APBB2: variants seen among roughly 807,000 people sequenced by gnomAD.
APBB2 encodes amyloid beta precursor protein binding family B member 2.
A neutral mutation model predicts 82.5 loss-of-function variants in APBB2; 38 were observed. That is an observed-to-expected ratio of 0.46 (90% CI 0.36 to 0.60). The LOEUF is 0.60. APBB2 is among the 20% of genes least tolerant of loss of function. APBB2 has a pLI of 0.00. For synonymous variants in APBB2, 341 were observed against 368.2 expected (o/e 0.93, Z 0.85); for missense variants, 772 against 972.3 (o/e 0.79, Z 2.74).
At chr4:41,169,377 C>T (rs139874728) in intron 1 of APBB2, among the ~76,000 whole-genome samples, 11 of 152,150 alleles carry the variant, frequency 7.2e-5, no homozygotes, top group African/African-American at 2.7e-4. Context: ...CACTCAAAGA[C>T]GCAAAATCAG....
At chr4:41,196,419 C>T in intron 1 of APBB2, among the ~76,000 whole-genome samples, 1 of 152,222 alleles carries the variant, frequency 6.6e-6, no homozygotes, top group African/African-American at 2.4e-5. Flanking sequence ...CTTTGCCCAG[C>T]CACTTATTAT....
chr4:41,037,697 C>T (rs1267989845), intron 4 of APBB2, among the ~76,000 whole-genome samples: 1 of 152,060 alleles, frequency 6.6e-6, no homozygotes, highest in Admixed American at 6.6e-5. Flanking sequence ...CTGGCGAAGT[C>T]CTGATCTAGA....
intron 12 of APBB2, among the ~76,000 whole-genome samples, chr4:40,859,848 A>T (rs1187491677): frequency 6.6e-6 from 1 of 151,782 alleles, no homozygotes; most frequent in African/African-American, 2.4e-5. Context: ...GCTACTTCCC[A>T]CCTCAGAGCC....
At chr4:41,207,948 A>T (rs112100084) in intron 1 of APBB2, 4 of 152,350 alleles carry the variant, frequency 2.6e-5, no homozygotes, top group African/African-American at 9.6e-5. Flanking sequence ...ATATCTTCTT[A>T]TTTGAACAAT....
chr4:41,146,169 T>C (rs1469388127), intron 1 of APBB2, among the ~76,000 whole-genome samples: 2 of 152,002 alleles, frequency 1.3e-5, no homozygotes, highest in Admixed American at 1.3e-4. Context: ...CTTCTAAAAA[T>C]ACATAAATTA....
intron 13 of APBB2, among the ~76,000 whole-genome samples, chr4:40,827,544 G>T (rs1244658623): frequency 2.6e-5 from 4 of 152,098 alleles, no homozygotes; most frequent in Non-Finnish European, 4.4e-5. Context: ...GACCCTGCCG[G>T]CCCACAGTGG....
chr4:40,999,064 G>A (rs1804422410), intron 6 of APBB2, among the ~76,000 whole-genome samples: 1 of 152,110 alleles, frequency 6.6e-6, no homozygotes, highest in African/African-American at 2.4e-5. Context: ...GTGAAACTGT[G>A]AACAAGGACT....
At chr4:41,147,481 C>CTTTTTTT (rs558746840) in intron 1 of APBB2, among the ~76,000 whole-genome samples, 1 of 103,110 alleles carries the variant, frequency 9.7e-6, no homozygotes, top group Non-Finnish European at 1.9e-5. Flanking sequence ...GTTTGGCCAG[C>CTTTTTTT]TTTTTTTTTT....
chr4:40,930,849 A>G (rs1784063673), intron 10 of APBB2, among the ~76,000 whole-genome samples: 1 of 152,100 alleles, frequency 6.6e-6, no homozygotes, highest in Non-Finnish European at 1.5e-5. Flanking sequence ...CAGGGTTGAC[A>G]CCATTCTCCT....
intron 10 of APBB2, among the ~76,000 whole-genome samples, chr4:40,909,821 T>C (rs920200936): frequency 6.6e-6 from 1 of 152,146 alleles, no homozygotes; most frequent in Non-Finnish European, 1.5e-5. Context: ...AGGGAAAGCA[T>C]GAAGGTGGGC....
intron 15 of APBB2, among the ~76,000 whole-genome samples, chr4:40,824,601 C>A (rs1232571885): frequency 6.6e-6 from 1 of 152,140 alleles, no homozygotes; most frequent in Non-Finnish European, 1.5e-5. Context: ...GATCCTCCCA[C>A]CTCGGCCTCT....
chr4:41,074,315 A>T (rs1383188674), intron 3 of APBB2, among the ~76,000 whole-genome samples: 5 of 152,118 alleles, frequency 3.3e-5, no homozygotes, highest in Non-Finnish European at 5.9e-5. Context: ...CCATCTCATT[A>T]AAAAAGATGA....
At chr4:40,937,129 T>C (rs989554563) in intron 7 of APBB2, among the ~76,000 whole-genome samples, 2 of 152,236 alleles carry the variant, frequency 1.3e-5, no homozygotes, top group Non-Finnish European at 2.9e-5. Context: ...GTGAGCAATA[T>C]TTGTTGTTAA....
At chr4:41,096,543 C>T (rs1208180192) in intron 3 of APBB2, among the ~76,000 whole-genome samples, 1 of 152,126 alleles carries the variant, frequency 6.6e-6, no homozygotes, top group Non-Finnish European at 1.5e-5. Context: ...AAATATAAAA[C>T]GTGTGTACAC....
chr4:41,104,051 A>G (rs1257790479), intron 2 of APBB2, among the ~76,000 whole-genome samples: 1 of 152,222 alleles, frequency 6.6e-6, no homozygotes, highest in Non-Finnish European at 1.5e-5. Flanking sequence ...AGCTGTCCTA[A>G]TATCTGAAAG....
chr4:40,888,851 G>A (rs976953853), intron 12 of APBB2, among the ~76,000 whole-genome samples: 8 of 152,268 alleles, frequency 5.3e-5, no homozygotes, highest in African/African-American at 9.6e-5. Context: ...CGTATGTAAT[G>A]TCACAAGCTC....
rs1338321948 is a variant in APBB2, at chr4:41,014,343, G to A, written c.75C>T (p.Asp25=). The A allele has an allele frequency of 7.4e-6, 12 of 1,614,068 alleles. No individual in the cohort carries two copies. Among genetic ancestry groups the A allele is most frequent in the South Asian group, 3.3e-5 (3 of 91,074 alleles). ...TGGCTGGGCTGTTCCGATTTGTGAC[G>A]TCTGTAGTTCCGCTGCTGGCCATAA... ...AVFMASSGTT[D]VTNRNSPATP... is the part of the protein sequence containing the mutation. Residue 25 remains aspartate, a synonymous_variant, in exon 6 of 18, where the codon GAC becomes GAT. Coordinates refer to ENST00000508593, the MANE Select transcript of APBB2 (RefSeq NM_004307.2).
At chr4:41,173,278 A>T (rs1363481484) in intron 1 of APBB2, among the ~76,000 whole-genome samples, 1 of 152,224 alleles carries the variant, frequency 6.6e-6, no homozygotes, top group African/African-American at 2.4e-5. Context: ...TAGTTAACAT[A>T]AAAATGGGGG....
At chr4:41,084,330 A>G (rs1261886077) in intron 3 of APBB2, among the ~76,000 whole-genome samples, 1 of 152,240 alleles carries the variant, frequency 6.6e-6, no homozygotes, top group Non-Finnish European at 1.5e-5. Context: ...AGGCTGAAGC[A>G]GGAGACTTGC....
Sources: allele counts gnomAD v4.1 joint callset (sites outside exome capture counted in the v4.1 genomes callset), GRCh38; gene constraint gnomAD v4.1.1; transcripts MANE v1.5; gene names NCBI Gene and HGNC (gene_info 2026-07-23, HGNC 2026-07-21).